Variants in FOXN3 observed in about 807,000 individuals in gnomAD.
FOXN3 encodes the protein forkhead box protein N3.
FOXN3 carries 7 observed loss-of-function variants against 38.4 expected under a neutral mutation model. That is an observed-to-expected ratio of 0.18 (90% confidence interval 0.10 to 0.34). The LOEUF is 0.34. FOXN3 is among the 10% of genes least tolerant of loss of function. The pLI is 1.00. For synonymous variants in FOXN3, 230 were observed against 242.2 expected (o/e 0.95, Z 0.47); for missense variants, 456 against 613.4 (o/e 0.74, Z 2.71).
Position 89,611,618 on chromosome 14 carries a change from A to G in FOXN3, c.-15+7410T>C, listed in dbSNP as rs543476446. Among the ~76,000 whole-genome samples, 188 of 152,186 alleles carry G rather than the reference A, an allele frequency of 1.2e-3. 1 individual carries two copies. The highest frequency in any genetic ancestry group is 4.1e-3 in the African/African-American group (172 of 41,520). ...TCAGGAGATCGAGACCATCCTGGTT[A>G]ACACGGTGAAACCCCGTCTCTACTA... On this transcript the variant is annotated intron_variant, in intron 1 of 6. Transcript: ENST00000345097.
At chr14:89,460,046 C>T (rs1467521083) in intron 1 of FOXN3, among the ~76,000 whole-genome samples, 1 of 152,186 alleles carries the variant, frequency 6.6e-6, no homozygotes, top group East Asian at 1.9e-4. Context: ...CCTCAGCACC[C>T]TATCTGGAGT....
intron 1 of FOXN3, among the ~76,000 whole-genome samples, chr14:89,587,813 C>T (rs867104221): frequency 1.6e-4 from 22 of 137,088 alleles, no homozygotes; most frequent in Non-Finnish European, 2.9e-4. Context: ...TTGCAGTGAG[C>T]TGAGACCACA....
chr14:89,603,551 C>T (rs184980211), intron 1 of FOXN3, among the ~76,000 whole-genome samples: 9 of 152,120 alleles, frequency 5.9e-5, no homozygotes, highest in Admixed American at 2.6e-4. Context: ...TCATGTGTTT[C>T]GGGATATATT....
At chr14:89,178,071 A>G (rs1345737443) in intron 5 of FOXN3, among the ~76,000 whole-genome samples, 1 of 152,094 alleles carries the variant, frequency 6.6e-6, no homozygotes, top group East Asian at 1.9e-4. Flanking sequence ...GCAGTGGAGT[A>G]ATCTCGGCTC....
intron 1 of FOXN3, among the ~76,000 whole-genome samples, chr14:89,437,364 T>G (rs1892294450): frequency 1.3e-5 from 2 of 152,116 alleles, no homozygotes; most frequent in Non-Finnish European, 1.5e-5. Context: ...TCTCTGACCT[T>G]AACCTGAACC....
intron 5 of FOXN3, among the ~76,000 whole-genome samples, chr14:89,174,568 C>T (rs1416819104): frequency 6.6e-6 from 1 of 152,106 alleles, no homozygotes; most frequent in Non-Finnish European, 1.5e-5. Flanking sequence ...TGGAGGATTT[C>T]TAGGTACAAC....
chr14:89,163,369 A>G lies in FOXN3; in HGVS notation c.852-400T>C, dbSNP rs1257953317. ...GTTGGCTGGGTACTTCAGAGAAAAA[A>G]GCCTGCTCTCGTCTGAAGCGGCTAC... On this transcript the variant is annotated intron_variant, in intron 5 of 5. Transcript: ENST00000557258. This position sits in a 1 kb window ranked among gnomAD's most constrained non-coding sequence, Gnocchi z 4.3. Among the ~76,000 whole-genome samples the G allele has an allele frequency of 6.6e-6, 1 of 152,190 alleles. No individual in the cohort carries two copies. The highest frequency in any genetic ancestry group is 1.5e-5 in the Non-Finnish European group (1 of 68,038).
At chr14:89,332,833 A>T (rs1418025154) in intron 3 of FOXN3, among the ~76,000 whole-genome samples, 1 of 152,240 alleles carries the variant, frequency 6.6e-6, no homozygotes, top group Non-Finnish European at 1.5e-5. Flanking sequence ...CACAATAGAA[A>T]GGCACTCATA....
intron 1 of FOXN3, among the ~76,000 whole-genome samples, chr14:89,467,040 C>G (rs954563401): frequency 6.6e-6 from 1 of 152,180 alleles, no homozygotes; most frequent in African/African-American, 2.4e-5. Context: ...CACTGTTGGG[C>G]GATGGTAATA....
chr14:89,429,881 C>G (rs531707538), intron 1 of FOXN3, among the ~76,000 whole-genome samples: 1 of 152,364 alleles, frequency 6.6e-6, no homozygotes, highest in South Asian at 2.1e-4. Flanking sequence ...ACAGACATCG[C>G]TGGCCTTCCA....
chr14:89,507,397 C>T (rs1462826400), intron 1 of FOXN3, among the ~76,000 whole-genome samples: 1 of 152,130 alleles, frequency 6.6e-6, no homozygotes, highest in Non-Finnish European at 1.5e-5. Context: ...CTTAGCAGGC[C>T]AGGTAACACT....
intron 4 of FOXN3, among the ~76,000 whole-genome samples, chr14:89,210,569 C>T (rs1256060760): frequency 6.6e-6 from 1 of 152,162 alleles, no homozygotes; most frequent in East Asian, 1.9e-4. Flanking sequence ...TGCTTTGCTG[C>T]TCAGTAAATC....
At chr14:89,282,388 G>C (rs180821416) in intron 3 of FOXN3, among the ~76,000 whole-genome samples, 8 of 152,274 alleles carry the variant, frequency 5.3e-5, no homozygotes, top group African/African-American at 9.6e-5. Flanking sequence ...TGACCACAGA[G>C]TGGCCAGGAG....
chr14:89,168,664 C>T (rs549977232), intron 5 of FOXN3, among the ~76,000 whole-genome samples: 1 of 152,156 alleles, frequency 6.6e-6, no homozygotes, highest in African/African-American at 2.4e-5. Context: ...ACTGGAGTTC[C>T]AGTGAAAAGA....
At chr14:89,197,289 T>C (rs1888121788) in intron 4 of FOXN3, among the ~76,000 whole-genome samples, 2 of 152,052 alleles carry the variant, frequency 1.3e-5, no homozygotes, top group Non-Finnish European at 1.5e-5. Flanking sequence ...GGCAGATTGA[T>C]TGAGGTCAGG....
At chr14:89,518,971 T>C (rs424394) in intron 1 of FOXN3, among the ~76,000 whole-genome samples, 73,267 of 151,510 alleles carry the variant, frequency 0.48, 18,248 homozygotes, top group Non-Finnish European at 0.54. Flanking sequence ...GCCGAGATCA[T>C]ACCACTGCAC....
At chr14:89,468,231 A>G (rs959020373) in intron 1 of FOXN3, among the ~76,000 whole-genome samples, 61 of 152,076 alleles carry the variant, frequency 4.0e-4, no homozygotes, top group South Asian at 1.9e-3. Flanking sequence ...GGGCGGGCGG[A>G]TCACCTGACG....
At chr14:89,285,534 AAAGAG>A (rs1282838345) in intron 3 of FOXN3, among the ~76,000 whole-genome samples, 122 of 150,828 alleles carry the variant, frequency 8.1e-4, no homozygotes, top group African/African-American at 2.7e-3. Context: ...AAAAAAAAAA[AAAGAG>A]AGAGAGAAGA....
At chr14:89,306,161 G>C (rs554377281) in intron 3 of FOXN3, among the ~76,000 whole-genome samples, 2 of 152,264 alleles carry the variant, frequency 1.3e-5, no homozygotes, top group Non-Finnish European at 1.5e-5. Context: ...GTGTGGAGAA[G>C]AGTTTTTCAG....
Sources: allele counts gnomAD v4.1 joint callset (sites outside exome capture counted in the v4.1 genomes callset), GRCh38; gene constraint gnomAD v4.1.1; non-coding constraint Gnocchi (gnomAD v3.1); transcripts MANE v1.5; gene names NCBI Gene and HGNC (gene_info 2026-07-23, HGNC 2026-07-21).